Variants in ARHGAP8 observed in about 807,000 individuals in gnomAD.
The protein encoded by ARHGAP8 is Rho GTPase activating protein 8.
A neutral mutation model predicts 46.1 loss-of-function variants in ARHGAP8; 62 were observed. The observed-to-expected ratio is 1.34, with a 90% confidence interval of 1.10 to 1.66. The LOEUF (loss-of-function observed/expected upper bound fraction) is 1.66, where lower values mean the gene tolerates loss of function less well. Among genes scored for constraint, ARHGAP8 ranks in the 40% most tolerant of loss-of-function variants. The pLI, the probability that ARHGAP8 is intolerant of heterozygous loss-of-function variation, is 0.00. For missense variants in ARHGAP8, 923 were observed against 568.4 expected (o/e 1.62, Z -6.34); for synonymous variants, 375 against 243.1 (o/e 1.54, Z -5.05).
intron 11 of ARHGAP8, among the ~76,000 whole-genome samples, chr22:44,861,619 A>C (rs1215222975): frequency 6.6e-6 from 1 of 152,114 alleles, no homozygotes; most frequent in Non-Finnish European, 1.5e-5. Context: ...GGTTCCCCCC[A>C]GCTTGAATCT....
At chr22:44,769,224 C>T (rs902024305) in intron 1 of ARHGAP8, among the ~76,000 whole-genome samples, 2 of 152,148 alleles carry the variant, frequency 1.3e-5, no homozygotes, top group Non-Finnish European at 2.9e-5. Context: ...ACCTGAGGCT[C>T]CATCATCTGC....
chr22:44,854,836 C>G (rs2070182212), intron 10 of ARHGAP8, among the ~76,000 whole-genome samples: 1 of 152,116 alleles, frequency 6.6e-6, no homozygotes, highest in South Asian at 2.1e-4. Context: ...CGGGGTTTCA[C>G]CATGTTGCCA....
chr22:44,844,461 T>G (rs945856861), intron 7 of ARHGAP8, among the ~76,000 whole-genome samples: 1 of 152,126 alleles, frequency 6.6e-6, no homozygotes, highest in African/African-American at 2.4e-5. Flanking sequence ...GATTGGATTT[T>G]ATTTTATTTT....
intron 10 of ARHGAP8, among the ~76,000 whole-genome samples, chr22:44,858,533 CTTTTTT>C (rs10700242): frequency 1.1e-5 from 1 of 89,784 alleles, no homozygotes; most frequent in Non-Finnish European, 2.0e-5. Flanking sequence ...CCATACCCGG[CTTTTTT>C]TTTTTTTTTT....
intron 1 of ARHGAP8, among the ~76,000 whole-genome samples, chr22:44,771,499 G>T (rs1244727882): frequency 1.3e-5 from 2 of 149,142 alleles, no homozygotes; most frequent in African/African-American, 5.0e-5. Flanking sequence ...CACCCGCCTC[G>T]GCCTCCCAAA....
chr22:44,861,595 CT>C (rs1391820792), intron 11 of ARHGAP8, among the ~76,000 whole-genome samples: 2 of 152,162 alleles, frequency 1.3e-5, no homozygotes, highest in Non-Finnish European at 2.9e-5. Flanking sequence ...CTCATGACCC[CT>C]GTTTCTGACT....
chr22:44,858,633 A>C (rs1169680050), intron 10 of ARHGAP8, among the ~76,000 whole-genome samples: 3 of 144,560 alleles, frequency 2.1e-5, no homozygotes, highest in South Asian at 2.3e-4. Context: ...GGCCTCCCAA[A>C]GTGTTGGGAT....
intron 7 of ARHGAP8, among the ~76,000 whole-genome samples, chr22:44,826,902 T>C (rs1930561047): frequency 6.6e-6 from 1 of 152,160 alleles, no homozygotes; most frequent in African/African-American, 2.4e-5. Context: ...CCTGTTTCTT[T>C]CTTGGCCAAG....
intron 7 of ARHGAP8, among the ~76,000 whole-genome samples, chr22:44,834,713 C>G (rs992832028): frequency 2.6e-5 from 4 of 152,096 alleles, no homozygotes; most frequent in African/African-American, 9.7e-5. Flanking sequence ...TTGAAGTCTC[C>G]AGTATCATTT....
Position 44,857,461 on chromosome 22 carries a change from G to C in ARHGAP8, c.878-2270G>C, listed in dbSNP as rs4823398. 3.5e-3 allele frequency among the ~76,000 whole-genome samples: 528 copies of C among 152,260 alleles called. 12 individuals carry two copies. The East Asian group carries it at 0.058, about 17-fold the overall frequency. ...AGATTCACAAGAGAAAAACATACCA[G>C]TTTATTTACTAGAAGTTGCACATGA... is the stretch of plus-strand genomic sequence containing the variant. On this transcript the variant is annotated intron_variant, in intron 10 of 11. Transcript: ENST00000356099.
At chr22:44,785,816 G>A (rs1927178017) in intron 1 of ARHGAP8, among the ~76,000 whole-genome samples, 1 of 152,056 alleles carries the variant, frequency 6.6e-6, no homozygotes, top group African/African-American at 2.4e-5. Context: ...TCCTCATATG[G>A]CAGTGACCCC....
At chr22:44,818,888 A>G (rs905231476) in intron 5 of ARHGAP8, among the ~76,000 whole-genome samples, 2 of 152,044 alleles carry the variant, frequency 1.3e-5, no homozygotes, top group Middle Eastern at 3.4e-3. Context: ...TTGTTGAGAC[A>G]GGGTCTCGCT....
rs958001052 is a variant in ARHGAP8 at position 44,840,072 on chromosome 22, G to C, written c.597-5197G>C. Among the ~76,000 whole-genome samples, 4 of 152,256 alleles carry C rather than the reference G, an allele frequency of 2.6e-5. No individual in the cohort carries two copies. The South Asian group carries it at 8.3e-4, about 32-fold the overall frequency. On this transcript the variant is annotated intron_variant, in intron 7 of 11. Coordinates refer to ENST00000356099, the MANE Select transcript of ARHGAP8 (RefSeq NM_181335.3). Reference sequence around the variant, plus strand: ...CTGTGCTTCTTCCAGGGCAGCTCAGGGTTTCCAGCAAAAAGGTTCCCGAGA... The same window carrying C: ...CTGTGCTTCTTCCAGGGCAGCTCAGCGTTTCCAGCAAAAAGGTTCCCGAGA...
chr22:44,844,290 G>C (rs952166598), intron 7 of ARHGAP8, among the ~76,000 whole-genome samples: 1 of 151,988 alleles, frequency 6.6e-6, no homozygotes, highest in African/African-American at 2.4e-5. Context: ...TATTAATAGA[G>C]GGATAAAATG....
In ARHGAP8 at chr22:44,813,834, C is replaced by T. The variant is rs149526240; in HGVS notation, c.300-838C>T. Among the ~76,000 whole-genome samples the T allele has an allele frequency of 7.2e-3, 1,090 of 152,258 alleles. 7 individuals carry two copies. The highest frequency in any genetic ancestry group is 0.024 in the African/African-American group (979 of 41,518). On this transcript the variant is annotated intron_variant, in intron 4 of 11. Transcript: ENST00000356099. ...ATACACTTACATAGAGCTACACACACCTACACACTTAGACTTACATACGTC... is the reference window on the plus strand; with the variant it reads ...ATACACTTACATAGAGCTACACACATCTACACACTTAGACTTACATACGTC...
intron 1 of ARHGAP8, among the ~76,000 whole-genome samples, chr22:44,767,579 G>A (rs1315562339): frequency 2.6e-5 from 4 of 151,998 alleles, no homozygotes; most frequent in East Asian, 1.9e-4. Flanking sequence ...AGAACCCACC[G>A]AGGCTCCCAC....
chr22:44,860,044 A>T (rs996440119), intron 11 of ARHGAP8, among the ~76,000 whole-genome samples: 3 of 152,024 alleles, frequency 2.0e-5, no homozygotes, highest in African/African-American at 7.2e-5. Context: ...GACAGGGCGT[A>T]CCTGCCCCTG....
rs57241720 is a variant in ARHGAP8 at position 44,787,037 on chromosome 22, C to CAAAAAAA, written c.79+439_79+445dup. ...GTGGTGAGACCCTGTCTCAAAAAAACAAAAAAAAAAAAAAGAAAGAAGTAA... is the reference window on the plus strand; with the variant it reads ...GTGGTGAGACCCTGTCTCAAAAAAACAAAAAAAAAAAAAAAAAAAAAGAAAGAAGTAA... On this transcript the variant is annotated intron_variant, in intron 2 of 11. Transcript: ENST00000356099. Among the ~76,000 whole-genome samples, 502 of 119,086 alleles carry CAAAAAAA rather than the reference C, an allele frequency of 4.2e-3. 13 individuals are homozygous for CAAAAAAA. The highest frequency in any genetic ancestry group is 0.011 in the African/African-American group (349 of 31,894). The allele number at this position is 119,086 out of a possible 152,430, so 78.1% of individuals were successfully genotyped here. A position where few individuals can be genotyped will look rare whatever the true frequency, so the allele number is the denominator to read the frequency against.
rs190347207 is a variant in ARHGAP8 at position 44,853,341 on chromosome 22, C to T, written c.877+4281C>T. On this transcript the variant is annotated intron_variant, in intron 10 of 11. Transcript: ENST00000356099. ...GCTGTGATTTCTCTGAAGTTTATAT[C>T]AAGTCTTCCAGCGTCAGCTTTTGGG... 2.7e-4 allele frequency among the ~76,000 whole-genome samples: 41 copies of T among 152,304 alleles called. No homozygotes were observed. In the East Asian group the frequency reaches 7.1e-3, roughly 27 times the overall value.
Sources: gnomAD v4.1 joint callset for allele counts (sites outside exome capture counted in the v4.1 genomes callset) on GRCh38, gnomAD v4.1.1 for gene constraint, MANE v1.5 for transcripts, NCBI Gene and HGNC (gene_info 2026-07-23, HGNC 2026-07-21) for gene names.